UBE2L3: variants seen among roughly 807,000 people sequenced by gnomAD.
The protein encoded by UBE2L3 is ubiquitin conjugating enzyme E2 L3.
In UBE2L3, 1 loss-of-function variant was observed where a neutral mutation model predicts 17.8. The ratio of observed to expected loss-of-function variants is 0.06; its 90% CI spans 0.02 to 0.27. UBE2L3 has a LOEUF of 0.27. Ranked by LOEUF, UBE2L3 falls within the 10% of genes least tolerant of loss-of-function variation. UBE2L3 has a pLI of 1.00. For missense variants in UBE2L3, 40 were observed against 192.6 expected (o/e 0.21, Z 4.69); for synonymous variants, 44 against 68.5 (o/e 0.64, Z 1.76).
chr22:21,617,038 G>A (rs963934895), intron 3 of UBE2L3, among the ~76,000 whole-genome samples: 1 of 150,310 alleles, frequency 6.7e-6, no homozygotes, highest in Non-Finnish European at 1.5e-5. Flanking sequence ...GTGAAACCCC[G>A]TCTCTACTAA....
At chr22:21,560,006 C>T (rs1926375631) in intron 1 of UBE2L3, among the ~76,000 whole-genome samples, 1 of 152,288 alleles carries the variant, frequency 6.6e-6, no homozygotes, top group Non-Finnish European at 1.5e-5. Flanking sequence ...TTCTAGCTCT[C>T]TGGCTGGGGC....
chr22:21,612,943 G>T (rs1929580092), intron 3 of UBE2L3, among the ~76,000 whole-genome samples: 1 of 152,096 alleles, frequency 6.6e-6, no homozygotes, highest in African/African-American at 2.4e-5. Context: ...GGCGAGCCTG[G>T]TTTTTTTCTG....
chr22:21,568,165 C>A, intron 1 of UBE2L3: 1 of 1,008,842 alleles, frequency 9.9e-7, no homozygotes, highest in South Asian at 4.5e-5. Context: ...CTGCCCGGAG[C>A]CCGCGCCGCG....
rs2148397380 is a variant in UBE2L3, at chr22:21,568,282, A to T, written c.27+511A>T. 3 of 986,060 alleles carry T rather than the reference A, an allele frequency of 3.0e-6. No individual in the cohort carries two copies. The South Asian group carries it at 1.4e-4, about 46-fold the overall frequency. The allele number at this position is 986,060 out of a possible 1,614,324, so 61.1% of individuals were successfully genotyped here. A position where few individuals can be genotyped will look rare whatever the true frequency, so the allele number is the denominator to read the frequency against. ...GGGCTAGGAAAGAGAGAAGGAGGCC[A>T]GGCGGCCAAAGTTAGGTCAGTTTGT... On this transcript the variant is annotated intron_variant, in intron 1 of 3. Transcript: ENST00000342192.
upstream of UBE2L3, among the ~76,000 whole-genome samples, chr22:21,566,704 C>T (rs1296165641): frequency 6.6e-6 from 1 of 152,108 alleles, no homozygotes; most frequent in South Asian, 2.1e-4. Flanking sequence ...ATGGTCTGTC[C>T]CCTGCCTCCC....
At chr22:21,564,222 C>T (rs919668997), upstream of UBE2L3, among the ~76,000 whole-genome samples, 4 of 151,592 alleles carry the variant, frequency 2.6e-5, no homozygotes, top group African/African-American at 7.3e-5. Flanking sequence ...TTTGTTGAGA[C>T]GGGGTCTCCC....
At position 21,622,758 on chromosome 22, in the gene UBE2L3, C is replaced by T. The variant is rs7445; in HGVS notation, c.*1089C>T. On this transcript the variant is annotated 3_prime_UTR_variant, in exon 4 of 4. Transcript: ENST00000342192. The stretch of plus-strand genomic sequence containing the variant: ...GGTCGCCTGGGCCCCTGCTGACCCC[C>T]TCCTCCAGAGCAGCCAGCCCAGCCC... 0.23 allele frequency: 34,660 copies of T among 152,820 alleles called. 4,624 individuals are homozygous for T. Among genetic ancestry groups the T allele is most frequent in the East Asian group, 0.5 (2,655 of 5,324 alleles). 9.5% of individuals were successfully genotyped at this position (152,820 alleles called of 1,614,324 possible). A position where few individuals can be genotyped will look rare whatever the true frequency, so the allele number is the denominator to read the frequency against.
At position 21,597,775 on chromosome 22, in the gene UBE2L3, A is replaced by ATTTTTTTTTTTTTTTTTTTTTTTT. The variant is rs35054754; in HGVS notation, c.123+4828_123+4851dup. 2.3e-4 allele frequency among the ~76,000 whole-genome samples: 6 copies of ATTTTTTTTTTTTTTTTTTTTTTTT among 25,600 alleles called. 3 individuals are homozygous for ATTTTTTTTTTTTTTTTTTTTTTTT. The highest frequency in any genetic ancestry group is 3.1e-4 in the African/African-American group (2 of 6,510). 16.8% of individuals were successfully genotyped at this position (25,600 alleles called of 152,430 possible). The stretch of plus-strand genomic sequence containing the variant: ...GGATCTTTGATCCATTTATATGTAG[A>ATTTTTTTTTTTTTTTTTTTTTTTT]TTTTTTTTTTTTTTTTTTTTTTTTT... On this transcript the variant is annotated intron_variant, in intron 2 of 3. Transcript: ENST00000342192.
At position 21,587,469 on chromosome 22, in the gene UBE2L3, G is replaced by A. The variant is rs556546884; in HGVS notation, c.28-5392G>A. 1.2e-3 allele frequency among the ~76,000 whole-genome samples: 176 copies of A among 152,292 alleles called. 3 individuals carry two copies. Among genetic ancestry groups the A allele is most frequent in the Non-Finnish European group, 2.0e-3 (136 of 68,030 alleles). ...GCTGGGATTACAGGTGTGAGCCACCGCGCCTCGCCTAGATTTCTTGATTAG... is the reference window on the plus strand; with the variant it reads ...GCTGGGATTACAGGTGTGAGCCACCACGCCTCGCCTAGATTTCTTGATTAG... On this transcript the variant is annotated intron_variant, in intron 1 of 3. Coordinates refer to ENST00000342192, the MANE Select transcript of UBE2L3 (RefSeq NM_003347.4).
At chr22:21,555,988 C>T (rs1306727288) in intron 1 of UBE2L3, among the ~76,000 whole-genome samples, 2 of 152,064 alleles carry the variant, frequency 1.3e-5, no homozygotes, top group Non-Finnish European at 2.9e-5. Flanking sequence ...TATACCCAGC[C>T]CTTTGGGAGG....
intron 3 of UBE2L3, among the ~76,000 whole-genome samples, chr22:21,612,515 C>T (rs12168958): frequency 0.22 from 33,854 of 150,862 alleles, 4,660 homozygotes; most frequent in East Asian, 0.52. Flanking sequence ...TTAGTAGAGA[C>T]GGGGTTTCAC....
chr22:21,615,432 G>A (rs375952131), intron 3 of UBE2L3, among the ~76,000 whole-genome samples: 27 of 151,650 alleles, frequency 1.8e-4, no homozygotes, highest in East Asian at 1.6e-3. Flanking sequence ...GCAGGCGCCT[G>A]TAGTCCCAGC....
At chr22:21,605,429 G>C (rs1030396210) in intron 2 of UBE2L3, among the ~76,000 whole-genome samples, 1 of 152,142 alleles carries the variant, frequency 6.6e-6, no homozygotes, top group Admixed American at 6.5e-5. Flanking sequence ...GTGTTAGCCA[G>C]GATGGTCTCG....
At chr22:21,610,753 C>G in intron 2 of UBE2L3, 104 bp from the exon 3 acceptor site, 1 of 1,281,716 alleles carries the variant, frequency 7.8e-7, no homozygotes, top group Non-Finnish European at 1.0e-6. Context: ...TACTTGAATC[C>G]CTTGAAATAA....
At chr22:21,566,256 A>G (rs540064514), upstream of UBE2L3, among the ~76,000 whole-genome samples, 2 of 152,030 alleles carry the variant, frequency 1.3e-5, no homozygotes, top group African/African-American at 4.8e-5. Flanking sequence ...TACAGGCATC[A>G]GCCACTGTGC....
chr22:21,605,393 A>G (rs1249288345), intron 2 of UBE2L3, among the ~76,000 whole-genome samples: 1 of 151,430 alleles, frequency 6.6e-6, no homozygotes, highest in Non-Finnish European at 1.5e-5. Flanking sequence ...AATTTTTTGT[A>G]TTTTTAGTAG....
chr22:21,574,155 C>A (rs1272558402), intron 1 of UBE2L3, among the ~76,000 whole-genome samples: 1 of 152,122 alleles, frequency 6.6e-6, no homozygotes, highest in Non-Finnish European at 1.5e-5. Flanking sequence ...CATAAATAAG[C>A]CTAACCTCCC....
intron 1 of UBE2L3, among the ~76,000 whole-genome samples, chr22:21,577,752 G>T (rs1302792308): frequency 6.6e-6 from 1 of 152,234 alleles, no homozygotes; most frequent in Non-Finnish European, 1.5e-5. Flanking sequence ...TTCCAGGGCT[G>T]TGTTGATTAT....
intron 1 of UBE2L3, among the ~76,000 whole-genome samples, chr22:21,583,973 T>C (rs926964607): frequency 2.0e-5 from 3 of 152,124 alleles, no homozygotes; most frequent in Non-Finnish European, 4.4e-5. Context: ...CCTCCTGGGT[T>C]CAAGCGATTC....
Sources: gnomAD v4.1 joint callset for allele counts (sites outside exome capture counted in the v4.1 genomes callset) on GRCh38, gnomAD v4.1.1 for gene constraint, MANE v1.5 for transcripts, NCBI Gene and HGNC (gene_info 2026-07-23, HGNC 2026-07-21) for gene names.